Variants in EYS observed in about 807,000 individuals in gnomAD.
The protein encoded by EYS is protein eyes shut homolog.
A neutral mutation model predicts 282.1 loss-of-function variants in EYS; 250 were observed. That is an observed-to-expected ratio of 0.89 (90% confidence interval 0.80 to 0.98). EYS has a LOEUF of 0.98. Ranked by LOEUF, EYS falls within the 50% of genes least tolerant of loss-of-function variation. EYS has a pLI of 0.00. For synonymous variants in EYS, 1,355 were observed against 1,282.9 expected, an observed-to-expected ratio of 1.06 and a Z score of -1.20; for missense variants, 4,016 against 3,709.0, an observed-to-expected ratio of 1.08 and a Z score of -2.15.
chr6:65,557,867 C>G (rs570304665), intron 2 of EYS, among the ~76,000 whole-genome samples: 1 of 151,992 alleles, frequency 6.6e-6, no homozygotes, highest in African/African-American at 2.4e-5. Flanking sequence ...AGAGGAGACC[C>G]GAAGTGGGTA....
chr6:63,959,808 A>G (rs1251843793), intron 35 of EYS, among the ~76,000 whole-genome samples: 2 of 152,170 alleles, frequency 1.3e-5, no homozygotes, highest in Non-Finnish European at 2.9e-5. Context: ...TGGGAGTTGA[A>G]CAGTGAGAAC....
intron 26 of EYS, among the ~76,000 whole-genome samples, chr6:64,580,616 G>T (rs932300950): frequency 5.3e-5 from 8 of 151,986 alleles, no homozygotes; most frequent in African/African-American, 1.2e-4. Context: ...GGAATGCTTA[G>T]GATTTTAAAC....
At chr6:63,983,714 G>A (rs1767216954) in intron 35 of EYS, among the ~76,000 whole-genome samples, 1 of 151,616 alleles carries the variant, frequency 6.6e-6, no homozygotes, top group Non-Finnish European at 1.5e-5. Context: ...GTCATTATTT[G>A]TAGCTCCAAA....
intron 19 of EYS, among the ~76,000 whole-genome samples, chr6:64,868,159 T>G (rs192618730): frequency 2.9e-3 from 433 of 151,630 alleles, no homozygotes; most frequent in African/African-American, 0.01. Flanking sequence ...AAAAATCACT[T>G]CAAGTCTTCT....
At position 65,001,474 on chromosome 6, in the gene EYS, C is replaced by T. The variant is rs559103850; in HGVS notation, c.2138-3771G>A. On this transcript the variant is annotated intron_variant, in intron 13 of 42. Coordinates refer to ENST00000503581, the MANE Select transcript of EYS (RefSeq NM_001142800.2). ...CGGAAGAGTCCGTTGGTCTGCCTGT[C>T]TTACCTCTTCAACTTCCGGTTCACT... Among the ~76,000 whole-genome samples, 22 of 147,944 alleles carry T rather than the reference C, an allele frequency of 1.5e-4. 1 individual carries two copies. The highest frequency in any genetic ancestry group is 5.1e-4 in the African/African-American group (21 of 41,310).
At chr6:64,874,260 T>C (rs910168213) in intron 19 of EYS, among the ~76,000 whole-genome samples, 1 of 152,134 alleles carries the variant, frequency 6.6e-6, no homozygotes, top group African/African-American at 2.4e-5. Context: ...TTAAGATTTA[T>C]AGATTCATTG....
intron 35 of EYS, among the ~76,000 whole-genome samples, chr6:63,963,883 G>A (rs765903000): frequency 6.6e-6 from 1 of 152,036 alleles, no homozygotes; most frequent in African/African-American, 2.4e-5. Flanking sequence ...TTGACCTATG[G>A]GTCTTTAGTG....
intron 8 of EYS, among the ~76,000 whole-genome samples, chr6:65,373,754 T>G (rs1451589911): frequency 6.6e-6 from 1 of 152,188 alleles, no homozygotes; most frequent in Non-Finnish European, 1.5e-5. Context: ...TTAATTTGAT[T>G]AATTTTCCTT....
intron 13 of EYS, among the ~76,000 whole-genome samples, chr6:65,035,480 G>C (rs1772738819): frequency 6.6e-6 from 1 of 152,022 alleles, no homozygotes; most frequent in Non-Finnish European, 1.5e-5. Context: ...AACAACTTCA[G>C]TAAAGTTTCA....
chr6:64,585,580 A>G (rs892157472), intron 26 of EYS, among the ~76,000 whole-genome samples: 2 of 152,150 alleles, frequency 1.3e-5, no homozygotes, highest in Non-Finnish European at 2.9e-5. Context: ...TCAAAATAAA[A>G]CAATGCATCA....
intron 35 of EYS, among the ~76,000 whole-genome samples, chr6:63,962,834 C>T (rs1429262652): frequency 1.3e-4 from 20 of 152,168 alleles, no homozygotes; most frequent in Non-Finnish European, 2.5e-4. Context: ...GCACTATTCA[C>T]GATAGCAAAG....
chr6:63,759,015 A>G (rs1769566007), intron 41 of EYS, among the ~76,000 whole-genome samples: 1 of 152,086 alleles, frequency 6.6e-6, no homozygotes, highest in Non-Finnish European at 1.5e-5. Flanking sequence ...AGTATATAAA[A>G]CATTTTGAGG....
chr6:65,611,504 A>G (rs1766001348), intron 2 of EYS, among the ~76,000 whole-genome samples: 1 of 152,020 alleles, frequency 6.6e-6, no homozygotes, highest in Non-Finnish European at 1.5e-5. Context: ...TAAATTCCTT[A>G]AAGCCCTAAG....
intron 30 of EYS, among the ~76,000 whole-genome samples, chr6:64,241,304 G>A (rs533864980): frequency 6.6e-6 from 1 of 152,182 alleles, no homozygotes; most frequent in African/African-American, 2.4e-5. Context: ...GTTTCAAATA[G>A]TTTCAGAAGG....
chr6:65,147,390 G>T (rs953590014), intron 12 of EYS, among the ~76,000 whole-genome samples: 1 of 151,886 alleles, frequency 6.6e-6, no homozygotes, highest in African/African-American at 2.4e-5. Flanking sequence ...GTTTATAAGA[G>T]GGATATTAGA....
chr6:63,742,726 A>G (rs1769107868), intron 41 of EYS, among the ~76,000 whole-genome samples: 1 of 152,060 alleles, frequency 6.6e-6, no homozygotes, highest in South Asian at 2.1e-4. Context: ...CTCTTGGCAT[A>G]CTCTATCTGG....
At chr6:64,769,694 T>A (rs2149984969) in intron 22 of EYS, among the ~76,000 whole-genome samples, 1 of 152,054 alleles carries the variant, frequency 6.6e-6, no homozygotes, top group Non-Finnish European at 1.5e-5. Context: ...TCCAGCTTGA[T>A]CTTACAGAAC....
At chr6:65,605,136 T>C (rs975912399) in intron 2 of EYS, among the ~76,000 whole-genome samples, 1 of 151,438 alleles carries the variant, frequency 6.6e-6, no homozygotes. Flanking sequence ...TGAGTCACCA[T>C]ACTGGCTTTC....
intron 1 of EYS, among the ~76,000 whole-genome samples, chr6:65,649,484 A>G (rs1451606140): frequency 6.6e-6 from 1 of 152,212 alleles, no homozygotes; most frequent in African/African-American, 2.4e-5. Context: ...CATCAAACAT[A>G]TAATCATCAA....
Sources: gnomAD v4.1 joint callset for allele counts (sites outside exome capture counted in the v4.1 genomes callset) on GRCh38, gnomAD v4.1.1 for gene constraint, MANE v1.5 for transcripts, NCBI Gene and HGNC (gene_info 2026-07-23, HGNC 2026-07-21) for gene names.